GRM1: variants seen among roughly 807,000 people sequenced by gnomAD.
GRM1 encodes the protein metabotropic glutamate receptor 1.
In GRM1, 33 loss-of-function variants were observed where a neutral mutation model predicts 90.9. The observed-to-expected ratio is 0.36, with a 90% CI of 0.28 to 0.49. The LOEUF (loss-of-function observed/expected upper bound fraction) is 0.49, where lower values mean the gene tolerates loss of function less well. Among genes scored for constraint, GRM1 ranks in the 20% least tolerant of loss-of-function variants. The probability of loss-of-function intolerance (pLI) is 0.99; values close to 1 mark genes in which losing one functional copy is unlikely to be tolerated. For missense variants in GRM1, 1,190 were observed against 1,534.3 expected, an observed-to-expected ratio of 0.78 and a Z score of 3.75; for synonymous variants, 700 against 613.2, an observed-to-expected ratio of 1.14 and a Z score of -2.09.
chr6:146,119,602 T>C (rs963111844), intron 1 of GRM1, among the ~76,000 whole-genome samples: 1 of 152,252 alleles, frequency 6.6e-6, no homozygotes, highest in Admixed American at 6.5e-5. Context: ...TAATCCATCT[T>C]GAATTAATTT....
intron 7 of GRM1, among the ~76,000 whole-genome samples, chr6:146,427,197 C>T (rs1041939402): frequency 6.6e-6 from 1 of 152,040 alleles, no homozygotes; most frequent in Non-Finnish European, 1.5e-5. Flanking sequence ...AAAAAGTACA[C>T]TTTACAAAAA....
At chr6:146,075,656 C>T (rs78842168) in intron 1 of GRM1, among the ~76,000 whole-genome samples, 39 of 152,282 alleles carry the variant, frequency 2.6e-4, no homozygotes, top group Middle Eastern at 3.4e-3. Context: ...TGGATTGTCT[C>T]ACAGTTGTGT....
chr6:146,216,795 G>A (rs61530957), intron 2 of GRM1, among the ~76,000 whole-genome samples: 1 of 152,160 alleles, frequency 6.6e-6, no homozygotes, highest in Non-Finnish European at 1.5e-5. Context: ...CATTTCATTG[G>A]CAGTGAAATC....
At chr6:146,035,405 A>G (rs576380204) in intron 1 of GRM1, among the ~76,000 whole-genome samples, 1 of 152,120 alleles carries the variant, frequency 6.6e-6, no homozygotes, top group East Asian at 1.9e-4. Flanking sequence ...AAAGCCAGAT[A>G]TTGTTACGAG....
chr6:146,114,575 G>C (rs1195609899), intron 1 of GRM1, among the ~76,000 whole-genome samples: 1 of 152,046 alleles, frequency 6.6e-6, no homozygotes, highest in Non-Finnish European at 1.5e-5. Flanking sequence ...ATATTATGAG[G>C]CCTTCAAAAT....
At chr6:146,174,704 C>T (rs1778269047) in intron 2 of GRM1, among the ~76,000 whole-genome samples, 1 of 152,178 alleles carries the variant, frequency 6.6e-6, no homozygotes. Context: ...CTTGTATCCC[C>T]AGGGCTTTGT....
chr6:146,084,076 G>A (rs911072060), intron 1 of GRM1, among the ~76,000 whole-genome samples: 1 of 152,028 alleles, frequency 6.6e-6, no homozygotes, highest in Non-Finnish European at 1.5e-5. Context: ...GGTCAGTGGT[G>A]ATATCCCCTT....
At position 146,109,152 on chromosome 6, in the gene GRM1, G is replaced by A. The variant is rs111778869; in HGVS notation, c.701-50196G>A. Among the ~76,000 whole-genome samples, 1,513 of 152,326 alleles carry A rather than the reference G, an allele frequency of 9.9e-3. 22 individuals are homozygous for A. The highest frequency in any genetic ancestry group is 0.035 in the African/African-American group (1,436 of 41,564). On this transcript the variant is annotated intron_variant, in intron 1 of 7. Coordinates refer to ENST00000282753, the MANE Select transcript of GRM1 (RefSeq NM_001278064.2). ...TTGCATAAGTAATGAGGAGCCAAAT[G>A]TTAACCCCCAAGACAATGGGGAAAA...
chr6:146,222,165 T>C (rs1279351175), intron 2 of GRM1, among the ~76,000 whole-genome samples: 2 of 152,180 alleles, frequency 1.3e-5, no homozygotes, highest in Non-Finnish European at 2.9e-5. Flanking sequence ...GTACTTTAAG[T>C]ATTATGTACA....
chr6:146,344,788 T>A (rs1785110339), intron 3 of GRM1, among the ~76,000 whole-genome samples: 2 of 151,542 alleles, frequency 1.3e-5, no homozygotes, highest in Non-Finnish European at 1.5e-5. Flanking sequence ...CCACAGTATA[T>A]CTTTTTCGTT....
chr6:146,107,078 G>A (rs1180231882), intron 1 of GRM1, among the ~76,000 whole-genome samples: 2 of 152,106 alleles, frequency 1.3e-5, no homozygotes, highest in African/African-American at 4.8e-5. Context: ...GGTTGAATTT[G>A]CAATCTCTCC....
At chr6:146,111,534 G>T (rs1022364074) in intron 1 of GRM1, among the ~76,000 whole-genome samples, 2 of 152,170 alleles carry the variant, frequency 1.3e-5, no homozygotes, top group Admixed American at 6.5e-5. Flanking sequence ...CATTAGAGAA[G>T]GTGGTTGTAG....
At chr6:146,200,190 A>G (rs1779256093) in intron 2 of GRM1, among the ~76,000 whole-genome samples, 1 of 152,184 alleles carries the variant, frequency 6.6e-6, no homozygotes, top group African/African-American at 2.4e-5. Context: ...CTGCAACTCT[A>G]ACAGTTAAGT....
rs1240831763 is a variant in GRM1, at chr6:146,139,035, T to C, written c.701-20313T>C. Among the ~76,000 whole-genome samples, 4 of 152,232 alleles carry C rather than the reference T, an allele frequency of 2.6e-5. No homozygotes were observed. In the East Asian group the frequency reaches 7.7e-4, roughly 29 times the overall value. On this transcript the variant is annotated intron_variant, in intron 1 of 7. Transcript: ENST00000282753. ...TTGGTATGTTGTGTTTCCACTATCA[T>C]TTGTTTCGAGAAATTTTTCAATTTT...
At chr6:146,223,945 C>T (rs1780154334) in intron 2 of GRM1, among the ~76,000 whole-genome samples, 1 of 151,752 alleles carries the variant, frequency 6.6e-6, no homozygotes, top group African/African-American at 2.4e-5. Context: ...TCCTTAGAGC[C>T]CAGGCATATA....
intron 1 of GRM1, among the ~76,000 whole-genome samples, chr6:146,110,769 C>G (rs1454823430): frequency 6.6e-6 from 1 of 152,028 alleles, no homozygotes; most frequent in Non-Finnish European, 1.5e-5. Flanking sequence ...TTAACTATGC[C>G]AAACTAGATG....
In GRM1 at chr6:146,221,861, A is replaced by G. The variant is rs185450387; in HGVS notation, c.950+62264A>G. Among the ~76,000 whole-genome samples the G allele has an allele frequency of 3.9e-4, 59 of 152,290 alleles. 1 individual carries two copies. Among genetic ancestry groups the G allele is most frequent in the Admixed American group, 3.7e-3 (56 of 15,274 alleles). On this transcript the variant is annotated intron_variant, in intron 2 of 7. Coordinates refer to ENST00000282753, the MANE Select transcript of GRM1 (RefSeq NM_001278064.2). ...GAGTGAGATGATGTTCTAATAAGATATTACTTACAGACATTGAAATTTGTA... is the reference window on the plus strand; with the variant it reads ...GAGTGAGATGATGTTCTAATAAGATGTTACTTACAGACATTGAAATTTGTA...
chr6:146,330,754 A>G (rs1385336903), intron 3 of GRM1, among the ~76,000 whole-genome samples: 2 of 152,216 alleles, frequency 1.3e-5, no homozygotes, highest in Admixed American at 1.3e-4. Flanking sequence ...ATATTCTGCA[A>G]TAAAGGCAGG....
At chr6:146,084,735 T>C (rs147505702) in intron 1 of GRM1, among the ~76,000 whole-genome samples, 279 of 152,286 alleles carry the variant, frequency 1.8e-3, no homozygotes, top group African/African-American at 6.1e-3. Context: ...TGGAGAGTTA[T>C]GTAGATGTCT....
Sources: allele counts gnomAD v4.1 joint callset (sites outside exome capture counted in the v4.1 genomes callset), GRCh38; gene constraint gnomAD v4.1.1; transcripts MANE v1.5; gene names NCBI Gene and HGNC (gene_info 2026-07-23, HGNC 2026-07-21).